Variants in CACNA2D3 observed in about 807,000 individuals in gnomAD.
CACNA2D3 encodes the protein calcium voltage-gated channel auxiliary subunit alpha2delta 3.
In CACNA2D3, 60 loss-of-function variants were observed where a neutral mutation model predicts 160.6. That is an observed-to-expected ratio of 0.37 (90% confidence interval 0.30 to 0.46). CACNA2D3 has a LOEUF of 0.46. Ranked by LOEUF, CACNA2D3 falls within the 20% of genes least tolerant of loss-of-function variation. CACNA2D3 has a pLI of 1.00. For synonymous variants in CACNA2D3, 558 were observed against 492.9 expected (o/e 1.13, Z -1.75); for missense variants, 1,205 against 1,365.0 (o/e 0.88, Z 1.85).
At chr3:54,495,114 A>G (rs974897931) in intron 4 of CACNA2D3, among the ~76,000 whole-genome samples, 32 of 152,206 alleles carry the variant, frequency 2.1e-4, no homozygotes, top group African/African-American at 7.7e-4. Context: ...GGTCCTTCCA[A>G]TTGGCATTGA....
intron 27 of CACNA2D3, among the ~76,000 whole-genome samples, chr3:54,913,708 G>T (rs1286954553): frequency 6.6e-6 from 1 of 152,110 alleles, no homozygotes; most frequent in Non-Finnish European, 1.5e-5. Flanking sequence ...TGCCAGGAAA[G>T]GATCCTAACT....
At chr3:54,583,098 C>T (rs1211166387) in intron 9 of CACNA2D3, among the ~76,000 whole-genome samples, 2 of 151,962 alleles carry the variant, frequency 1.3e-5, no homozygotes, top group Admixed American at 6.6e-5. Context: ...AGAGACTTTC[C>T]CGTTGTTTGG....
intron 11 of CACNA2D3, among the ~76,000 whole-genome samples, chr3:54,653,612 T>G (rs1027927949): frequency 6.6e-6 from 1 of 152,190 alleles, no homozygotes; most frequent in African/African-American, 2.4e-5. Context: ...GTCTCTGGTT[T>G]AATTACTTCT....
At chr3:54,124,111 G>T (rs1453112301) in intron 2 of CACNA2D3, among the ~76,000 whole-genome samples, 2 of 152,208 alleles carry the variant, frequency 1.3e-5, no homozygotes, top group African/African-American at 2.4e-5. Context: ...CATCATTGCA[G>T]ATAAGGAGAA....
chr3:54,324,852 A>C (rs1704087986), intron 3 of CACNA2D3, among the ~76,000 whole-genome samples: 1 of 152,160 alleles, frequency 6.6e-6, no homozygotes, highest in South Asian at 2.1e-4. Flanking sequence ...GTCCTCTGCC[A>C]ACTGTGGATT....
chr3:54,851,023 C>G (rs1479998748), intron 17 of CACNA2D3, among the ~76,000 whole-genome samples: 1 of 152,220 alleles, frequency 6.6e-6, no homozygotes, highest in Non-Finnish European at 1.5e-5. Flanking sequence ...CCTCCAATAA[C>G]TCAAACTCTA....
chr3:54,496,861 AGTTT>A (rs1007242346), intron 4 of CACNA2D3, among the ~76,000 whole-genome samples: 6 of 152,112 alleles, frequency 3.9e-5, no homozygotes, highest in Non-Finnish European at 4.4e-5. Context: ...GCTTCAGCAC[AGTTT>A]GTTGAAAATA....
At chr3:54,523,853 C>T (rs1349376152) in intron 5 of CACNA2D3, among the ~76,000 whole-genome samples, 1 of 151,916 alleles carries the variant, frequency 6.6e-6, no homozygotes, top group East Asian at 1.9e-4. Context: ...AGTAATATGC[C>T]CTCTTTCAGA....
chr3:54,266,896 G>A (rs1471016150), intron 2 of CACNA2D3, among the ~76,000 whole-genome samples: 1 of 152,190 alleles, frequency 6.6e-6, no homozygotes, highest in Non-Finnish European at 1.5e-5. Context: ...CTCTTAGGGA[G>A]AGCATGGAGG....
intron 11 of CACNA2D3, among the ~76,000 whole-genome samples, chr3:54,744,800 G>A (rs1337447524): frequency 6.6e-6 from 1 of 152,208 alleles, no homozygotes; most frequent in African/African-American, 2.4e-5. Flanking sequence ...AACTGAATGG[G>A]ATTTGGTGCT....
intron 27 of CACNA2D3, among the ~76,000 whole-genome samples, chr3:54,957,091 A>T (rs1407431898): frequency 6.6e-6 from 1 of 152,168 alleles, no homozygotes; most frequent in Non-Finnish European, 1.5e-5. Context: ...CATAAATGGG[A>T]TTAATTATGA....
At chr3:54,818,694 T>C (rs1026916538) in intron 14 of CACNA2D3, among the ~76,000 whole-genome samples, 2 of 152,244 alleles carry the variant, frequency 1.3e-5, no homozygotes, top group Non-Finnish European at 2.9e-5. Flanking sequence ...CTAATTTTTT[T>C]CCCTGTCTCC....
intron 11 of CACNA2D3, among the ~76,000 whole-genome samples, chr3:54,706,893 A>G (rs1177401107): frequency 6.6e-6 from 1 of 152,206 alleles, no homozygotes; most frequent in Non-Finnish European, 1.5e-5. Flanking sequence ...TCCATCAGCT[A>G]CTGTGAGATC....
intron 29 of CACNA2D3, among the ~76,000 whole-genome samples, chr3:54,981,354 C>T (rs1702503672): frequency 6.6e-6 from 1 of 152,196 alleles, no homozygotes; most frequent in Non-Finnish European, 1.5e-5. Context: ...AGATTCACTA[C>T]AGTTTAAGAC....
At chr3:54,512,841 A>T (rs2106965416) in intron 5 of CACNA2D3, among the ~76,000 whole-genome samples, 1 of 152,310 alleles carries the variant, frequency 6.6e-6, no homozygotes, top group Admixed American at 6.5e-5. Context: ...TGAGACTGGG[A>T]AGAAAAAGAG....
chr3:54,827,047 A>C (rs776338538), intron 14 of CACNA2D3, among the ~76,000 whole-genome samples: 5 of 151,894 alleles, frequency 3.3e-5, no homozygotes, highest in African/African-American at 4.8e-5. Context: ...CTTGATTGCA[A>C]CCTCCTTTGC....
At chr3:54,451,908 A>G (rs1194742311) in intron 4 of CACNA2D3, among the ~76,000 whole-genome samples, 4 of 152,174 alleles carry the variant, frequency 2.6e-5, no homozygotes, top group Non-Finnish European at 5.9e-5. Flanking sequence ...CTGTATCTCA[A>G]TAAATACATA....
chr3:54,589,163 G>A (rs1575364429), intron 9 of CACNA2D3, among the ~76,000 whole-genome samples: 2 of 152,010 alleles, frequency 1.3e-5, no homozygotes, highest in South Asian at 4.1e-4. Context: ...GGCATTAGAA[G>A]AGAAATAGAC....
chr3:54,124,523 A>C (rs1299640863), intron 2 of CACNA2D3, among the ~76,000 whole-genome samples: 1 of 152,192 alleles, frequency 6.6e-6, no homozygotes, highest in Non-Finnish European at 1.5e-5. Flanking sequence ...TTAAATTGTT[A>C]AGTTAACTTT....
Sources: gnomAD v4.1 joint callset for allele counts (sites outside exome capture counted in the v4.1 genomes callset) on GRCh38, gnomAD v4.1.1 for gene constraint, MANE v1.5 for transcripts, NCBI Gene and HGNC (gene_info 2026-07-23, HGNC 2026-07-21) for gene names.